Variants in LRRTM4 observed in about 807,000 individuals in gnomAD.
LRRTM4 encodes the protein leucine rich repeat transmembrane neuronal 4, also known as leucine-rich repeat transmembrane neuronal protein 4.
In LRRTM4, 25 loss-of-function variants were observed where a neutral mutation model predicts 47.6. The observed-to-expected ratio is 0.53, with a 90% confidence interval of 0.38 to 0.73. The LOEUF (loss-of-function observed/expected upper bound fraction) is 0.73, where lower values mean the gene tolerates loss of function less well. Among genes scored for constraint, LRRTM4 ranks in the 30% least tolerant of loss-of-function variants. The probability of loss-of-function intolerance (pLI) is 0.00; values close to 1 mark genes in which losing one functional copy is unlikely to be tolerated. For missense variants in LRRTM4, 638 were observed against 713.4 expected, an observed-to-expected ratio of 0.89 and a Z score of 1.20; for synonymous variants, 311 against 269.5, an observed-to-expected ratio of 1.15 and a Z score of -1.51.
intron 3 of LRRTM4, among the ~76,000 whole-genome samples, chr2:77,380,534 T>C (rs1029609486): frequency 6.6e-6 from 1 of 152,076 alleles, no homozygotes; most frequent in Admixed American, 6.6e-5. Flanking sequence ...TGGTGGCTCA[T>C]GCCTGTAATC....
intron 3 of LRRTM4, among the ~76,000 whole-genome samples, chr2:77,021,311 A>AT (rs1440226696): frequency 6.6e-6 from 1 of 152,084 alleles, no homozygotes; most frequent in Non-Finnish European, 1.5e-5. Context: ...GTATGACCAT[A>AT]TTTTACAGAC....
At chr2:77,161,149 G>C in intron 3 of LRRTM4, among the ~76,000 whole-genome samples, 1 of 152,202 alleles carries the variant, frequency 6.6e-6, no homozygotes, top group South Asian at 2.1e-4. Context: ...CGATAACCCA[G>C]CATTTTTTCC....
intron 3 of LRRTM4, among the ~76,000 whole-genome samples, chr2:77,151,981 A>T (rs1008387881): frequency 1.3e-5 from 2 of 152,228 alleles, no homozygotes; most frequent in African/African-American, 2.4e-5. Context: ...GGAAATACAC[A>T]TGTAGGCAAG....
chr2:76,807,666 A>T (rs995139221), intron 3 of LRRTM4, among the ~76,000 whole-genome samples: 1 of 150,084 alleles, frequency 6.7e-6, no homozygotes, highest in African/African-American at 2.4e-5. Context: ...ATCTCAGCTC[A>T]TCGCAACCTC....
intron 3 of LRRTM4, among the ~76,000 whole-genome samples, chr2:76,961,843 C>T (rs1237902572): frequency 2.0e-5 from 3 of 151,172 alleles, no homozygotes; most frequent in African/African-American, 2.4e-5. Context: ...TAAAATTTTG[C>T]TTTGTCAATA....
chr2:76,992,911 G>T (rs1677061704), intron 3 of LRRTM4, among the ~76,000 whole-genome samples: 1 of 150,084 alleles, frequency 6.7e-6, no homozygotes, highest in African/African-American at 2.4e-5. Context: ...GCATGGTACT[G>T]GTACAAAGAG....
At chr2:76,832,996 G>T (rs1453297847) in intron 3 of LRRTM4, among the ~76,000 whole-genome samples, 1 of 152,000 alleles carries the variant, frequency 6.6e-6, no homozygotes, top group African/African-American at 2.4e-5. Flanking sequence ...TAGCAAAACT[G>T]GAAAGTTAGA....
intron 3 of LRRTM4, among the ~76,000 whole-genome samples, chr2:76,866,401 T>C (rs1672469872): frequency 6.6e-6 from 1 of 152,228 alleles, no homozygotes; most frequent in African/African-American, 2.4e-5. Context: ...GTTACCTTTC[T>C]TTCCTTAGAG....
chr2:77,007,641 C>T (rs17013592), intron 3 of LRRTM4, among the ~76,000 whole-genome samples: 62,491 of 151,906 alleles, frequency 0.41, 12,975 homozygotes, highest in East Asian at 0.52. Flanking sequence ...GACATATTAT[C>T]GAATAATTTT....
intron 3 of LRRTM4, among the ~76,000 whole-genome samples, chr2:76,943,701 G>A (rs1221642843): frequency 1.3e-5 from 2 of 152,112 alleles, no homozygotes; most frequent in Non-Finnish European, 2.9e-5. Flanking sequence ...CTAAACCTCA[G>A]AACAACACAC....
chr2:76,893,912 C>T (rs1395150735), intron 3 of LRRTM4, among the ~76,000 whole-genome samples: 1 of 151,852 alleles, frequency 6.6e-6, no homozygotes, highest in Non-Finnish European at 1.5e-5. Context: ...AGGAGAAAGT[C>T]ACTTTTCATA....
intron 3 of LRRTM4, among the ~76,000 whole-genome samples, chr2:77,482,878 T>G (rs1394170302): frequency 2.6e-5 from 4 of 151,786 alleles, no homozygotes; most frequent in Admixed American, 6.6e-5. Context: ...ATCCCAGCAC[T>G]TTGGGAGGCT....
intron 3 of LRRTM4, among the ~76,000 whole-genome samples, chr2:77,278,530 C>T (rs1163279893): frequency 6.6e-6 from 1 of 150,878 alleles, no homozygotes; most frequent in Non-Finnish European, 1.5e-5. Context: ...GTGGTCTTCA[C>T]ATCAATTGAA....
chr2:76,928,194 C>T (rs1674651444), intron 3 of LRRTM4, among the ~76,000 whole-genome samples: 1 of 152,110 alleles, frequency 6.6e-6, no homozygotes, highest in Non-Finnish European at 1.5e-5. Flanking sequence ...ACTTTAGAAT[C>T]ACATCTCATA....
intron 3 of LRRTM4, among the ~76,000 whole-genome samples, chr2:77,236,639 G>A (rs534922810): frequency 6.6e-6 from 1 of 152,172 alleles, no homozygotes; most frequent in South Asian, 2.1e-4. Flanking sequence ...TGATCATTCA[G>A]TGTGATATTA....
At chr2:77,274,665 T>C (rs1260834144) in intron 3 of LRRTM4, among the ~76,000 whole-genome samples, 1 of 152,182 alleles carries the variant, frequency 6.6e-6, no homozygotes, top group Admixed American at 6.5e-5. Flanking sequence ...AGTATTGGTC[T>C]CAGAGATTTT....
intron 3 of LRRTM4, among the ~76,000 whole-genome samples, chr2:76,986,737 G>A (rs1372646789): frequency 6.6e-6 from 1 of 151,884 alleles, no homozygotes; most frequent in African/African-American, 2.4e-5. Flanking sequence ...GATCTCTAAT[G>A]ATATTGTTTG....
intron 3 of LRRTM4, among the ~76,000 whole-genome samples, chr2:77,401,458 A>T (rs1673951178): frequency 6.6e-6 from 1 of 151,920 alleles, no homozygotes; most frequent in Non-Finnish European, 1.5e-5. Flanking sequence ...ATGTAACATT[A>T]CGGTAAATAT....
chr2:77,470,868 A>G (rs1677162101), intron 3 of LRRTM4, among the ~76,000 whole-genome samples: 1 of 152,122 alleles, frequency 6.6e-6, no homozygotes, highest in Non-Finnish European at 1.5e-5. Flanking sequence ...TGTGGGACTC[A>G]GTTAGTACCA....
Sources: allele counts gnomAD v4.1 joint callset (sites outside exome capture counted in the v4.1 genomes callset), GRCh38; gene constraint gnomAD v4.1.1; transcripts MANE v1.5; gene names NCBI Gene and HGNC (gene_info 2026-07-23, HGNC 2026-07-21).